The following ANKRD36C variants were observed in gnomAD, a reference collection of about 807,000 sequenced individuals.
ANKRD36C encodes ankyrin repeat domain 36C, also known as ankyrin repeat domain-containing protein 36C.
ANKRD36C carries 61 observed loss-of-function variants against 276.4 expected under a neutral mutation model. That is an observed-to-expected ratio of 0.22 (90% CI 0.18 to 0.27). The LOEUF is 0.27. Among genes scored for constraint, ANKRD36C ranks in the 10% least tolerant of loss-of-function variants. The pLI is 1.00. For missense variants in ANKRD36C, 1,447 were observed against 2,032.3 expected, an observed-to-expected ratio of 0.71 and a Z score of 5.54; for synonymous variants, 483 against 680.1, an observed-to-expected ratio of 0.71 and a Z score of 4.51.
intron 44 of ANKRD36C, 23 bp downstream of exon 64, chr2:95,893,510 A>G (rs1676438443): frequency 6.5e-7 from 1 of 1,538,910 alleles, no homozygotes. Flanking sequence ...TGAACATGAC[A>G]TTAAATCTGT....
intron 40 of ANKRD36C, 70 bp downstream of exon 42, chr2:95,914,038 A>C (rs957091049): frequency 4.9e-6 from 7 of 1,435,580 alleles, no homozygotes; most frequent in Middle Eastern, 2.3e-4. Flanking sequence ...CCCCCCGCTG[A>C]TTTCTTCAGG....
chr2:95,901,884 T>C (rs1360432180), intron 42 of ANKRD36C, among the ~76,000 whole-genome samples: 1 of 147,834 alleles, frequency 6.8e-6, no homozygotes, highest in Non-Finnish European at 1.5e-5. Context: ...GGATAATATA[T>C]TAGCCTCAAT....
chr2:95,866,861 A>G (rs1675691865), intron 60 of ANKRD36C, among the ~76,000 whole-genome samples: 1 of 152,176 alleles, frequency 6.6e-6, no homozygotes, highest in Admixed American at 6.6e-5. Context: ...ACATGTGTGC[A>G]CTGTATCGCA....
chr2:95,973,276 G>C (rs1428190038), intron 6 of ANKRD36C, among the ~76,000 whole-genome samples: 1 of 152,056 alleles, frequency 6.6e-6, no homozygotes, highest in Non-Finnish European at 1.5e-5. Flanking sequence ...GCTGGGCGTG[G>C]TGGTGCATGC....
At chr2:95,969,952 G>A (rs925033911) in intron 6 of ANKRD36C, among the ~76,000 whole-genome samples, 1 of 151,912 alleles carries the variant, frequency 6.6e-6, no homozygotes, top group African/African-American at 2.4e-5. Context: ...TACACATAGA[G>A]TTCAGCACTA....
At chr2:95,908,953 G>A (rs562244194) in intron 42 of ANKRD36C, among the ~76,000 whole-genome samples, 1 of 151,120 alleles carries the variant, frequency 6.6e-6, no homozygotes, top group Non-Finnish European at 1.5e-5. Flanking sequence ...ATAAAACCAT[G>A]TCAATATCAA....
chr2:95,940,268 C>T (rs1051823470), intron 20 of ANKRD36C, among the ~76,000 whole-genome samples: 4 of 152,352 alleles, frequency 2.6e-5, no homozygotes, highest in African/African-American at 7.2e-5. Context: ...GTGATCCTCC[C>T]GCCTCAGCCT....
chr2:95,945,341 G>C (rs200430940), intron 17 of ANKRD36C, among the ~76,000 whole-genome samples, 167 bp from the exon 18 acceptor site: 82 of 145,448 alleles, frequency 5.6e-4, no homozygotes, highest in Non-Finnish European at 8.3e-4. Context: ...ATTCACATGG[G>C]ATGATGATTA....
rs759000001 is a variant in ANKRD36C at position 95,962,281 on chromosome 2, G to A, written c.901+71C>T. On this transcript the variant is annotated intron_variant, in intron 8 of 66. Coordinates refer to ENST00000456556, the Ensembl canonical transcript of ANKRD36C. ...TGTGCAGATTCAATGAGCTCCCTGC[G>A]ATTTATTCAGGGAACAGCAGTTCCC... is the stretch of plus-strand genomic sequence containing the variant. 36 of 1,471,138 alleles carry A rather than the reference G, an allele frequency of 2.4e-5. 1 individual carries two copies. Among genetic ancestry groups the A allele is most frequent in the East Asian group, 2.0e-4 (8 of 40,530 alleles). 91.1% of individuals were successfully genotyped at this position (1,471,138 alleles called of 1,614,324 possible).
intron 42 of ANKRD36C, among the ~76,000 whole-genome samples, chr2:95,911,187 C>A (rs1676911775): frequency 6.6e-6 from 1 of 151,432 alleles, no homozygotes; most frequent in Non-Finnish European, 1.5e-5. Flanking sequence ...TTTCTTTCAT[C>A]CACTAGTTTA....
At chr2:95,980,103 T>C (rs550374014) in intron 5 of ANKRD36C, among the ~76,000 whole-genome samples, 2 of 152,190 alleles carry the variant, frequency 1.3e-5, no homozygotes, top group East Asian at 1.9e-4. Flanking sequence ...GTACTTTCAA[T>C]TGTAAGAAAG....
At chr2:95,963,972 A>AATATATATATATATATATATATAAATAT (rs1678521795) in intron 6 of ANKRD36C, among the ~76,000 whole-genome samples, 1 of 48,990 alleles carries the variant, frequency 2.0e-5, no homozygotes, top group Non-Finnish European at 3.7e-5. Context: ...TATATATATA[A>AATATATATATATATATATATATAAATAT]ATATATATAT....
intron 56 of ANKRD36C, among the ~76,000 whole-genome samples, chr2:95,882,002 C>T (rs889425418): frequency 2.2e-5 from 3 of 133,780 alleles, no homozygotes; most frequent in Non-Finnish European, 4.8e-5. Context: ...TAGAAACATG[C>T]TCTGAAATAA....
chr2:95,947,584 C>T (rs1573793468), intron 17 of ANKRD36C, among the ~76,000 whole-genome samples: 1 of 152,060 alleles, frequency 6.6e-6, no homozygotes, highest in South Asian at 2.1e-4. Context: ...GAATGAGATA[C>T]AAAGACCCTG....
At chr2:95,913,743 T>C (rs1677004560) in intron 40 of ANKRD36C, among the ~76,000 whole-genome samples, 1 of 151,462 alleles carries the variant, frequency 6.6e-6, no homozygotes, top group South Asian at 2.1e-4. Context: ...TTCTGTCTTT[T>C]CTTGGCAGTA....
intron 42 of ANKRD36C, 27 bp from the exon 46 acceptor site, chr2:95,910,472 A>G (rs774858601): frequency 6.3e-7 from 1 of 1,592,322 alleles, no homozygotes; most frequent in South Asian, 1.1e-5. Context: ...ACGAAATAAT[A>G]AATAAATAAA....
chr2:95,985,133 G>T (rs1679003531), intron 3 of ANKRD36C, among the ~76,000 whole-genome samples: 1 of 152,224 alleles, frequency 6.6e-6, no homozygotes, highest in African/African-American at 2.4e-5. Flanking sequence ...CTTATTAAAA[G>T]AGTCCACAAT....
chr2:95,860,188 T>C (rs1398265683), intron 60 of ANKRD36C, 114 bp from the exon 81 acceptor site: 4 of 808,102 alleles, frequency 4.9e-6, no homozygotes, highest in East Asian at 5.5e-5. Context: ...TATGTACATA[T>C]TGAGTGCCTA....
intron 22 of ANKRD36C, among the ~76,000 whole-genome samples, chr2:95,936,503 G>A (rs1309581106): frequency 6.6e-6 from 1 of 152,232 alleles, no homozygotes; most frequent in Non-Finnish European, 1.5e-5. Context: ...GAAAAGAATT[G>A]AGTCCCTGTG....
Sources: gnomAD v4.1 joint callset for allele counts (sites outside exome capture counted in the v4.1 genomes callset) on GRCh38, gnomAD v4.1.1 for gene constraint, MANE v1.5 for transcripts, NCBI Gene and HGNC (gene_info 2026-07-23, HGNC 2026-07-21) for gene names.